RCAN2: variants seen among roughly 807,000 people sequenced by gnomAD.
RCAN2 encodes the protein calcipressin-2.
A neutral mutation model predicts 23.6 loss-of-function variants in RCAN2; 9 were observed. The observed-to-expected ratio is 0.38, with a 90% confidence interval of 0.23 to 0.67. The LOEUF is 0.67. Ranked by LOEUF, RCAN2 falls within the 30% of genes least tolerant of loss-of-function variation. RCAN2 has a pLI of 0.51. For synonymous variants in RCAN2, 109 were observed against 115.7 expected (o/e 0.94, Z 0.37); for missense variants, 273 against 302.3 (o/e 0.90, Z 0.72).
At chr6:46,480,719 G>A (rs1033243157) in intron 1 of RCAN2, among the ~76,000 whole-genome samples, 5 of 151,862 alleles carry the variant, frequency 3.3e-5, no homozygotes, top group Middle Eastern at 3.2e-3. Context: ...TCTGCCTCCT[G>A]GGTTCACGCC....
At chr6:46,467,226 T>G (rs1768411366) in intron 1 of RCAN2, among the ~76,000 whole-genome samples, 1 of 152,236 alleles carries the variant, frequency 6.6e-6, no homozygotes, top group Non-Finnish European at 1.5e-5. Flanking sequence ...GAAGGTAACT[T>G]CTGACATTTC....
chr6:46,385,457 C>T (rs1264153819), intron 2 of RCAN2, among the ~76,000 whole-genome samples: 1 of 152,162 alleles, frequency 6.6e-6, no homozygotes, highest in Non-Finnish European at 1.5e-5. Flanking sequence ...AAACGTTTCC[C>T]TATTTAATAA....
intron 2 of RCAN2, among the ~76,000 whole-genome samples, chr6:46,267,884 A>G (rs904432739): frequency 6.6e-6 from 1 of 152,160 alleles, no homozygotes; most frequent in Non-Finnish European, 1.5e-5. Context: ...TATCTAAATA[A>G]AATTTTAAGA....
At chr6:46,274,669 A>G (rs1767631885) in intron 2 of RCAN2, among the ~76,000 whole-genome samples, 1 of 152,234 alleles carries the variant, frequency 6.6e-6, no homozygotes, top group Admixed American at 6.5e-5. Context: ...GAAAGCAGCC[A>G]GCCTCCAGAA....
intron 2 of RCAN2, among the ~76,000 whole-genome samples, chr6:46,410,368 C>T (rs1481784439): frequency 6.6e-6 from 1 of 152,134 alleles, no homozygotes; most frequent in Non-Finnish European, 1.5e-5. Flanking sequence ...CTACTGGTTC[C>T]GACTTTCTGG....
intron 2 of RCAN2, among the ~76,000 whole-genome samples, chr6:46,361,032 T>C (rs1764995111): frequency 6.8e-6 from 1 of 146,972 alleles, no homozygotes; most frequent in Non-Finnish European, 1.5e-5. Flanking sequence ...TCTAAACATC[T>C]GGATGCTCCT....
intron 2 of RCAN2, among the ~76,000 whole-genome samples, chr6:46,322,923 C>T (rs1763662961): frequency 6.6e-6 from 1 of 152,226 alleles, no homozygotes; most frequent in East Asian, 1.9e-4. Context: ...GTTTTCTTAA[C>T]ACATAACATT....
intron 2 of RCAN2, among the ~76,000 whole-genome samples, chr6:46,255,225 A>T (rs780200599): frequency 2.0e-5 from 3 of 151,976 alleles, no homozygotes; most frequent in Non-Finnish European, 4.4e-5. Flanking sequence ...GGGTCATTCC[A>T]AGGTGATGAG....
At chr6:46,477,354 TGA>T (rs1402565709) in intron 1 of RCAN2, among the ~76,000 whole-genome samples, 11 of 152,292 alleles carry the variant, frequency 7.2e-5, no homozygotes, top group African/African-American at 2.6e-4. Flanking sequence ...ATGATAAAAT[TGA>T]GTCTAACATT....
At chr6:46,408,526 G>A (rs1272871995) in intron 2 of RCAN2, among the ~76,000 whole-genome samples, 2 of 152,130 alleles carry the variant, frequency 1.3e-5, no homozygotes, top group African/African-American at 4.8e-5. Context: ...CTGTTTTCTA[G>A]TAATGGTGAA....
At chr6:46,414,216 G>A (rs994408308) in intron 2 of RCAN2, among the ~76,000 whole-genome samples, 4 of 152,146 alleles carry the variant, frequency 2.6e-5, no homozygotes, top group African/African-American at 9.7e-5. Flanking sequence ...AGACTCTTAT[G>A]CAGATATCAT....
chr6:46,408,375 C>T (rs1178310415), intron 2 of RCAN2, among the ~76,000 whole-genome samples: 3 of 152,206 alleles, frequency 2.0e-5, no homozygotes, highest in Non-Finnish European at 4.4e-5. Flanking sequence ...CACGGGTTCT[C>T]TTTGTCCTGC....
At chr6:46,465,421 T>A (rs1267335786) in intron 1 of RCAN2, among the ~76,000 whole-genome samples, 1 of 152,110 alleles carries the variant, frequency 6.6e-6, no homozygotes, top group Non-Finnish European at 1.5e-5. Flanking sequence ...AAGGGACTAT[T>A]TACAGCATGG....
chr6:46,419,561 T>C (rs910803819), intron 2 of RCAN2, among the ~76,000 whole-genome samples: 4 of 152,218 alleles, frequency 2.6e-5, no homozygotes, highest in Non-Finnish European at 4.4e-5. Flanking sequence ...TTGCCCAAGA[T>C]TTTATAAAAA....
At chr6:46,407,725 A>G (rs952589533) in intron 2 of RCAN2, among the ~76,000 whole-genome samples, 1 of 152,208 alleles carries the variant, frequency 6.6e-6, no homozygotes, top group Non-Finnish European at 1.5e-5. Context: ...GTCAGGAAAT[A>G]TGTACTTAGG....
chr6:46,454,826 T>C (rs557346855), intron 2 of RCAN2, among the ~76,000 whole-genome samples: 52 of 152,308 alleles, frequency 3.4e-4, no homozygotes, highest in Admixed American at 3.0e-3. Flanking sequence ...AATATCAAAA[T>C]AGATGTGTAC....
chr6:46,279,768 G>A (rs1767839935), intron 2 of RCAN2, among the ~76,000 whole-genome samples: 2 of 152,186 alleles, frequency 1.3e-5, no homozygotes, highest in Admixed American at 6.5e-5. Flanking sequence ...TTCTGCCCTT[G>A]TAACTGTCAG....
At chr6:46,343,564 A>G (rs1764397563) in intron 2 of RCAN2, among the ~76,000 whole-genome samples, 1 of 151,882 alleles carries the variant, frequency 6.6e-6, no homozygotes, top group East Asian at 1.9e-4. Context: ...TTTAGTAGAG[A>G]CGGGGTTTCA....
intron 2 of RCAN2, among the ~76,000 whole-genome samples, chr6:46,278,794 C>A (rs1213726210): frequency 6.6e-6 from 1 of 152,130 alleles, no homozygotes; most frequent in Non-Finnish European, 1.5e-5. Flanking sequence ...TAGATTCGGG[C>A]AATACATCTC....
Sources: gnomAD v4.1 joint callset for allele counts (sites outside exome capture counted in the v4.1 genomes callset) on GRCh38, gnomAD v4.1.1 for gene constraint, MANE v1.5 for transcripts, NCBI Gene and HGNC (gene_info 2026-07-23, HGNC 2026-07-21) for gene names.